EPHA3: variants seen among roughly 807,000 people sequenced by gnomAD.
The protein encoded by EPHA3 is ephrin type-A receptor 3.
In EPHA3, 42 loss-of-function variants were observed where a neutral mutation model predicts 107.1. The ratio of observed to expected loss-of-function variants is 0.39; its 90% confidence interval spans 0.31 to 0.51. The LOEUF is 0.51. EPHA3 is among the 20% of genes least tolerant of loss of function. EPHA3 has a pLI of 0.78. For missense variants in EPHA3, 1,183 were observed against 1,211.2 expected (o/e 0.98, Z 0.35); for synonymous variants, 461 against 424.8 (o/e 1.09, Z -1.05).
chr3:89,314,058 G>A (rs1236696613), intron 3 of EPHA3, among the ~76,000 whole-genome samples: 2 of 151,796 alleles, frequency 1.3e-5, no homozygotes, highest in African/African-American at 2.4e-5. Flanking sequence ...ATTTGACTAG[G>A]CATCTCAACA....
chr3:89,307,362 C>A lies in EPHA3; in HGVS notation c.815-33554C>A, dbSNP rs990594085. On this transcript the variant is annotated intron_variant, in intron 3 of 16. Transcript: ENST00000336596. The stretch of plus-strand genomic sequence containing the variant: ...CTAATAAGGACCAAATAAATCAAAA[C>A]CCATGAAATAAATTAATAAAAAAAG... Among the ~76,000 whole-genome samples, 4 of 151,994 alleles carry A rather than the reference C, an allele frequency of 2.6e-5. No homozygotes were observed. In the East Asian group the frequency reaches 7.7e-4, roughly 29 times the overall value.
At chr3:89,363,121 A>G (rs1266811143) in intron 5 of EPHA3, among the ~76,000 whole-genome samples, 1 of 150,904 alleles carries the variant, frequency 6.6e-6, no homozygotes, top group Non-Finnish European at 1.5e-5. Flanking sequence ...TTTCAATTAT[A>G]TTAGTCCACA....
At chr3:89,224,192 G>A (rs1014245508) in intron 3 of EPHA3, among the ~76,000 whole-genome samples, 1 of 151,962 alleles carries the variant, frequency 6.6e-6, no homozygotes, top group African/African-American at 2.4e-5. Context: ...GAGATTTATA[G>A]CATCTCTCCT....
At chr3:89,305,869 A>T (rs1438782703) in intron 3 of EPHA3, among the ~76,000 whole-genome samples, 1 of 152,180 alleles carries the variant, frequency 6.6e-6, no homozygotes, top group Non-Finnish European at 1.5e-5. Flanking sequence ...CATGTTATCG[A>T]TGAAACACCA....
intron 2 of EPHA3, among the ~76,000 whole-genome samples, chr3:89,199,675 C>T (rs1258402329): frequency 2.0e-5 from 3 of 152,064 alleles, no homozygotes; most frequent in African/African-American, 7.2e-5. Flanking sequence ...TATTTTCACC[C>T]TCTATTTCAA....
intron 11 of EPHA3, among the ~76,000 whole-genome samples, chr3:89,424,317 CTA>C (rs1709414948): frequency 6.6e-6 from 1 of 151,064 alleles, no homozygotes; most frequent in Admixed American, 6.6e-5. Context: ...AAAAAATAAA[CTA>C]TTTTAATTTT....
At chr3:89,346,866 AAATAGGG>A (rs1707671542) in intron 5 of EPHA3, among the ~76,000 whole-genome samples, 1 of 145,006 alleles carries the variant, frequency 6.9e-6, no homozygotes, top group South Asian at 2.1e-4. Flanking sequence ...ACCATTTATT[AAATAGGG>A]AATCCTTTCC....
chr3:89,187,257 T>A (rs1705588959), intron 2 of EPHA3, among the ~76,000 whole-genome samples: 1 of 149,692 alleles, frequency 6.7e-6, no homozygotes, highest in Non-Finnish European at 1.5e-5. Context: ...TAATAAGTAA[T>A]TAATATTTAT....
At chr3:89,344,184 T>C (rs775769206) in intron 5 of EPHA3, among the ~76,000 whole-genome samples, 5 of 152,178 alleles carry the variant, frequency 3.3e-5, no homozygotes, top group Non-Finnish European at 7.3e-5. Flanking sequence ...TATCTTATCA[T>C]TCCCCTCTGG....
chr3:89,377,457 A>G (rs1208769981), intron 5 of EPHA3, among the ~76,000 whole-genome samples: 1 of 152,158 alleles, frequency 6.6e-6, no homozygotes, highest in Non-Finnish European at 1.5e-5. Context: ...CCTAAGGTTA[A>G]CAAAGAGTAA....
At chr3:89,467,045 A>G (rs75432660) in intron 15 of EPHA3, among the ~76,000 whole-genome samples, 5,125 of 152,210 alleles carry the variant, frequency 0.034, 288 homozygotes, top group African/African-American at 0.12. Flanking sequence ...GGAACTGTAT[A>G]TATTCAAAAT....
At chr3:89,430,522 TTATC>T (rs1709545509) in intron 12 of EPHA3, among the ~76,000 whole-genome samples, 4 of 152,150 alleles carry the variant, frequency 2.6e-5, no homozygotes, top group East Asian at 3.9e-4. Flanking sequence ...TATAAATACA[TTATC>T]TATACATTTT....
At chr3:89,394,790 C>A (rs1438786469) in intron 5 of EPHA3, among the ~76,000 whole-genome samples, 1 of 152,136 alleles carries the variant, frequency 6.6e-6, no homozygotes, top group East Asian at 1.9e-4. Flanking sequence ...ACAATGAAAA[C>A]AATTCAACAG....
intron 3 of EPHA3, among the ~76,000 whole-genome samples, chr3:89,237,998 AG>A (rs1319636169): frequency 6.6e-6 from 1 of 151,290 alleles, no homozygotes; most frequent in African/African-American, 2.4e-5. Context: ...AAAAAAAAAG[AG>A]GATATGACTT....
At chr3:89,159,021 C>T (rs1485157610) in intron 2 of EPHA3, among the ~76,000 whole-genome samples, 2 of 152,008 alleles carry the variant, frequency 1.3e-5, no homozygotes, top group African/African-American at 4.8e-5. Flanking sequence ...TAGCCTCACC[C>T]ACATTTCCTT....
chr3:89,131,933 G>C (rs1704215155), intron 2 of EPHA3, among the ~76,000 whole-genome samples: 1 of 152,158 alleles, frequency 6.6e-6, no homozygotes, highest in Admixed American at 6.5e-5. Flanking sequence ...CACCCTCCCA[G>C]GTGTTCCTGG....
At chr3:89,125,703 T>C (rs1204213513) in intron 1 of EPHA3, among the ~76,000 whole-genome samples, 1 of 151,736 alleles carries the variant, frequency 6.6e-6, no homozygotes, top group African/African-American at 2.4e-5. Flanking sequence ...GTAAAGTTTA[T>C]GTTTGTCTTT....
At chr3:89,147,226 T>A (rs894609982) in intron 2 of EPHA3, among the ~76,000 whole-genome samples, 1 of 151,700 alleles carries the variant, frequency 6.6e-6, no homozygotes, top group Non-Finnish European at 1.5e-5. Context: ...GATGAATACC[T>A]AATGCATGCG....
chr3:89,132,670 G>T (rs1430913576), intron 2 of EPHA3, among the ~76,000 whole-genome samples: 1 of 152,104 alleles, frequency 6.6e-6, no homozygotes, highest in Non-Finnish European at 1.5e-5. Context: ...AGGGCTTCAG[G>T]ATCAGCCTGG....
Sources: allele counts gnomAD v4.1 joint callset (sites outside exome capture counted in the v4.1 genomes callset), GRCh38; gene constraint gnomAD v4.1.1; transcripts MANE v1.5; gene names NCBI Gene and HGNC (gene_info 2026-07-23, HGNC 2026-07-21).